SH3BP1: variants seen among roughly 807,000 people sequenced by gnomAD.
SH3BP1 encodes the protein SH3 domain-binding protein 1.
SH3BP1 carries 46 observed loss-of-function variants against 69.8 expected under a neutral mutation model. That is an observed-to-expected ratio of 0.66 (90% CI 0.52 to 0.84). SH3BP1 has a LOEUF of 0.84. Ranked by LOEUF, SH3BP1 falls within the 40% of genes least tolerant of loss-of-function variation. The probability of loss-of-function intolerance (pLI) is 0.00; values close to 1 mark genes in which losing one functional copy is unlikely to be tolerated. For synonymous variants in SH3BP1, 403 were observed against 378.0 expected (o/e 1.07, Z -0.77); for missense variants, 868 against 930.9 (o/e 0.93, Z 0.88).
rs78742902 is a variant in SH3BP1 at position 37,650,430 on chromosome 22, G to A, written c.1415-112G>A. On this transcript the variant is annotated intron_variant, in intron 15 of 17. Coordinates refer to ENST00000649765, the MANE Select transcript of SH3BP1 (RefSeq NM_018957.6). ...GGTGGTGAGGCTCACACGGGAGTGG[G>A]GAAGCTGAACATGGTCCAGATGGGT... The A allele has an allele frequency of 3.7e-3, 5,545 of 1,503,476 alleles. 205 individuals are homozygous for A. The African/African-American group carries it at 0.069, about 19-fold the overall frequency. The allele number at this position is 1,503,476 out of a possible 1,614,324, so 93.1% of individuals were successfully genotyped here. A position where few individuals can be genotyped will look rare whatever the true frequency, so the allele number is the denominator to read the frequency against.
rs1356006609 is a variant in SH3BP1, at chr22:37,650,230, A to G, written c.1395A>G (p.Ala465=). The change falls in exon 15 of 18, where the codon GCA becomes GCG. Residue 465 remains alanine (A), a synonymous_variant. Transcript: ENST00000649765. ...TCGTCGAGGCGCTGATCCAGAGCGCAGACACCCTCTTCCCTGGAGGTGAAG... is the reference window on the plus strand; with the variant it reads ...TCGTCGAGGCGCTGATCCAGAGCGCGGACACCCTCTTCCCTGGAGGTGAAG... ...VGVVEALIQS[A]DTLFPGDINF... is the part of the protein sequence containing the mutation. The G allele has an allele frequency of 6.2e-7, 1 of 1,611,622 alleles. No homozygotes were observed. Among genetic ancestry groups the G allele is most frequent in the Non-Finnish European group, 8.5e-7 (1 of 1,178,896 alleles).
In SH3BP1 at chr22:37,655,701, T is replaced by G. The variant is rs1387405308; in HGVS notation, c.*17T>G. On this transcript the variant is annotated 3_prime_UTR_variant, in exon 18 of 18. Transcript: ENST00000649765. Reference sequence around the variant, plus strand: ...ACCAACTGAGTGGCTGGTTTCTCCCTAAGCAGCCCTCAGCACCCCCTCCCT... The same window carrying G: ...ACCAACTGAGTGGCTGGTTTCTCCCGAAGCAGCCCTCAGCACCCCCTCCCT... 6 of 1,428,290 alleles carry G rather than the reference T, an allele frequency of 4.2e-6. No homozygotes were observed. Among genetic ancestry groups the G allele is most frequent in the Non-Finnish European group, 4.6e-6 (5 of 1,089,428 alleles). 88.5% of individuals were successfully genotyped at this position (1,428,290 alleles called of 1,614,324 possible).
At position 37,655,655 on chromosome 22, in the gene SH3BP1, C is replaced by T. The variant is rs748854401; in HGVS notation, c.2077C>T (p.Pro693Ser). ...TPPAIPPQPR[P>S]RSLASETN ...CCCAGCTATCCCCCCTCAGCCCCGC[C>T]CCAGGAGCCTTGCCTCAGAGACCAA... is the stretch of plus-strand genomic sequence containing the variant. The change falls in exon 18 of 18, where the codon CCC becomes TCC. Residue 693 changes from proline (P) to serine (S), a missense_variant. Coordinates refer to ENST00000649765, the MANE Select transcript of SH3BP1 (RefSeq NM_018957.6). The T allele has an allele frequency of 7.2e-6, 11 of 1,525,920 alleles. No individual in the cohort carries two copies. The highest frequency in any genetic ancestry group is 8.8e-6 in the Non-Finnish European group (10 of 1,138,800). 94.5% of individuals were successfully genotyped at this position (1,525,920 alleles called of 1,614,324 possible). A position where few individuals can be genotyped will look rare whatever the true frequency, so the allele number is the denominator to read the frequency against.
intron 13 of SH3BP1, 113 bp from the exon 14 acceptor site, chr22:37,648,206 A>T: frequency 1.4e-6 from 1 of 730,522 alleles, no homozygotes; most frequent in Non-Finnish European, 2.3e-6. Flanking sequence ...TAACTGTGAC[A>T]ATGTTAAGAC....
chr22:37,652,167 G>A (rs950245829), intron 16 of SH3BP1, among the ~76,000 whole-genome samples: 2 of 151,978 alleles, frequency 1.3e-5, no homozygotes, highest in African/African-American at 4.8e-5. Flanking sequence ...AAAATTAGCT[G>A]GGCATGTTGG....
In SH3BP1 at chr22:37,654,967, T is replaced by C. The variant is rs901841798; in HGVS notation, c.1694-305T>C. 2.0e-5 allele frequency among the ~76,000 whole-genome samples: 3 copies of C among 149,608 alleles called. 1 individual carries two copies. The highest frequency in any genetic ancestry group is 6.8e-3 in the Middle Eastern group (2 of 292). On this transcript the variant is annotated intron_variant, in intron 17 of 17. Transcript: ENST00000649765. ...TCAAAATTTAAGAACTTTTAAAAAT[T>C]CAAAATAAATGGGCAAGATAATTTC... is the stretch of plus-strand genomic sequence containing the variant.
At position 37,639,817 on chromosome 22, in the gene SH3BP1, G is replaced by A; in HGVS notation, c.30G>A (p.Arg10=). 6.4e-7 allele frequency: 1 copy of A among 1,572,184 alleles called. No individual in the cohort carries two copies. Among genetic ancestry groups the A allele is most frequent in the Non-Finnish European group, 8.6e-7 (1 of 1,161,498 alleles). Residue 10 remains arginine (R), a synonymous_variant, in exon 1 of 18, where the codon CGG becomes CGA. Coordinates refer to ENST00000649765, the MANE Select transcript of SH3BP1 (RefSeq NM_018957.6). ...TGAAGAGGCAGCTGCACCGCATGCGGCAGCTGGCCCAGACGGGCAGCTTGG... is the reference window on the plus strand; with the variant it reads ...TGAAGAGGCAGCTGCACCGCATGCGACAGCTGGCCCAGACGGGCAGCTTGG... MMKRQLHRM[R]QLAQTGSLGR...
At chr22:37,643,255 AC>A in intron 6 of SH3BP1, 81 bp downstream of exon 6, 1 of 1,241,702 alleles carries the variant, frequency 8.1e-7, no homozygotes, top group Non-Finnish European at 1.2e-6. Flanking sequence ...CCCTGGCCAC[AC>A]CAGGAGGATG....
chr22:37,641,098 TCC>T (rs751968178), intron 1 of SH3BP1, 26 bp from the exon 2 acceptor site: 64,166 of 932,164 alleles, frequency 0.069, 59 homozygotes, highest in Middle Eastern at 0.099. Context: ...AGAAGCACTC[TCC>T]CCCCCCCCCC....
intron 16 of SH3BP1, among the ~76,000 whole-genome samples, chr22:37,652,042 G>A (rs569039720): frequency 4.6e-5 from 7 of 152,110 alleles, no homozygotes; most frequent in Admixed American, 3.3e-4. Flanking sequence ...TAAAGATCAC[G>A]TGGCCCGGCA....
At chr22:37,643,904 TG>T in intron 7 of SH3BP1, 116 bp downstream of exon 7, 1 of 1,224,002 alleles carries the variant, frequency 8.2e-7, no homozygotes, top group Non-Finnish European at 1.2e-6. Context: ...TAAGGCCACG[TG>T]GCTAGGAGCC....
chr22:37,647,559 C>T (rs1446863762), intron 13 of SH3BP1, 38 bp downstream of exon 13: 3 of 1,544,228 alleles, frequency 1.9e-6, no homozygotes, highest in Non-Finnish European at 2.6e-6. Flanking sequence ...GCCGCAGAGC[C>T]AGAGCCCAGC....
rs749970828 is a variant in SH3BP1 at position 37,639,820 on chromosome 22, G to A, written c.33G>A (p.Gln11=). 2 of 1,572,698 alleles carry A rather than the reference G, an allele frequency of 1.3e-6. No homozygotes were observed. Among genetic ancestry groups the A allele is most frequent in the Non-Finnish European group, 1.7e-6 (2 of 1,161,838 alleles). The part of the protein sequence containing the change: MMKRQLHRMR[Q]LAQTGSLGRT... ...AGAGGCAGCTGCACCGCATGCGGCA[G>A]CTGGCCCAGACGGGCAGCTTGGGAC... Residue 11 remains glutamine (Q), a synonymous_variant, in exon 1 of 18, where the codon CAG becomes CAA. Transcript: ENST00000649765.
intron 10 of SH3BP1, 39 bp downstream of exon 10, chr22:37,645,549 GC>G: frequency 6.3e-7 from 1 of 1,579,558 alleles, no homozygotes; most frequent in Non-Finnish European, 8.6e-7. Flanking sequence ...GAGCACTGGG[GC>G]CCTCATTCTG....
chr22:37,645,555 A>G (rs754369284), intron 10 of SH3BP1, 45 bp downstream of exon 10: 7 of 1,573,526 alleles, frequency 4.4e-6, no homozygotes, highest in Admixed American at 3.4e-5. Context: ...TGGGGCCCTC[A>G]TTCTGTCCCA....
At chr22:37,643,496 C>T (rs1034757229) in intron 6 of SH3BP1, 148 bp from the exon 7 acceptor site, 60 of 1,171,148 alleles carry the variant, frequency 5.1e-5, no homozygotes, top group Non-Finnish European at 2.4e-6. Flanking sequence ...CACTCATGGC[C>T]CAGCCTGGGC....
In SH3BP1 at chr22:37,655,282, G is replaced by A. The variant is rs774083979; in HGVS notation, c.1704G>A (p.Pro568=). 23 of 1,581,432 alleles carry A rather than the reference G, an allele frequency of 1.5e-5. No homozygotes were observed. The highest frequency in any genetic ancestry group is 4.6e-4 in the Middle Eastern group (2 of 4,304). Reference sequence around the variant, plus strand: ...TTCCTTCCTCAACAGCCAAGCGCCCGGCGCCAGCCCGGCCCACCATGCCGC... The same window carrying A: ...TTCCTTCCTCAACAGCCAAGCGCCCAGCGCCAGCCCGGCCCACCATGCCGC... The part of the protein sequence containing the change: ...VEDMARRTKR[P]APARPTMPPP... The change falls in exon 18 of 18, where the codon CCG becomes CCA. Residue 568 remains proline (P), a synonymous_variant. Coordinates refer to ENST00000649765, the MANE Select transcript of SH3BP1 (RefSeq NM_018957.6).
chr22:37,641,225 A>G, intron 2 of SH3BP1, 57 bp downstream of exon 2: 15 of 1,537,038 alleles, frequency 9.8e-6, no homozygotes, highest in Non-Finnish European at 1.3e-5. Flanking sequence ...GTCTCGGAGC[A>G]GAGGGCCGGG....
chr22:37,644,520 G>A (rs1247603838), intron 7 of SH3BP1, 117 bp from the exon 8 acceptor site: 3 of 996,346 alleles, frequency 3.0e-6, no homozygotes, highest in East Asian at 2.4e-5. Context: ...GCCTGGCTGG[G>A]ACCTTCCACC....
Sources: allele counts gnomAD v4.1 joint callset (sites outside exome capture counted in the v4.1 genomes callset), GRCh38; gene constraint gnomAD v4.1.1; transcripts MANE v1.5; gene names NCBI Gene and HGNC (gene_info 2026-07-23, HGNC 2026-07-21).